CLMN: variants seen among roughly 807,000 people sequenced by gnomAD.
The protein encoded by CLMN is calmin, also known as calmin (calponin-like, transmembrane).
Under a neutral mutation model 92.7 loss-of-function variants are expected in CLMN, and 57 were observed. The ratio of observed to expected loss-of-function variants is 0.61; its 90% CI spans 0.50 to 0.77. The LOEUF (loss-of-function observed/expected upper bound fraction) is 0.77, where lower values mean the gene tolerates loss of function less well. Ranked by LOEUF, CLMN falls within the 30% of genes least tolerant of loss-of-function variation. The pLI, the probability that CLMN is intolerant of heterozygous loss-of-function variation, is 0.00. For synonymous variants in CLMN, 466 were observed against 470.6 expected (o/e 0.99, Z 0.13); for missense variants, 1,158 against 1,237.5 (o/e 0.94, Z 0.96).
Position 95,254,530 on chromosome 14 carries a change from C to T in CLMN, c.83-24397G>A, listed in dbSNP as rs116237402. 5.8e-3 allele frequency among the ~76,000 whole-genome samples: 888 copies of T among 152,244 alleles called. 6 individuals are homozygous for T. Among genetic ancestry groups the T allele is most frequent in the African/African-American group, 0.02 (845 of 41,532 alleles). Reference sequence around the variant, plus strand: ...GAAGCCTCGTGCACACACACTTGGACGTCCACCAGCCCCCTTGGCTCCCTG... The same window carrying T: ...GAAGCCTCGTGCACACACACTTGGATGTCCACCAGCCCCCTTGGCTCCCTG... On this transcript the variant is annotated intron_variant, in intron 1 of 12. Coordinates refer to ENST00000298912, the MANE Select transcript of CLMN (RefSeq NM_024734.4).
chr14:95,227,351 T>G (rs1897743734), intron 2 of CLMN, among the ~76,000 whole-genome samples: 1 of 152,192 alleles, frequency 6.6e-6, no homozygotes, highest in East Asian at 1.9e-4. Flanking sequence ...ACAGCGACTT[T>G]GAACCAAAAG....
intron 2 of CLMN, 151 bp from the exon 3 acceptor site, chr14:95,224,006 C>T (rs1039659761): frequency 1.6e-6 from 1 of 607,772 alleles, no homozygotes; most frequent in African/African-American, 1.9e-5. Flanking sequence ...GTAGCAGGCC[C>T]ATCCCCCTGG....
chr14:95,262,396 G>A (rs1348094049), intron 1 of CLMN, among the ~76,000 whole-genome samples: 2 of 152,150 alleles, frequency 1.3e-5, no homozygotes, highest in African/African-American at 4.8e-5. Context: ...AACAAGCAAA[G>A]AGTCAACCAA....
intron 1 of CLMN, among the ~76,000 whole-genome samples, chr14:95,267,462 G>A (rs773850246): frequency 6.6e-6 from 1 of 152,128 alleles, no homozygotes; most frequent in African/African-American, 2.4e-5. Context: ...TCAGGGAAAC[G>A]CAAATTGAAA....
intron 1 of CLMN, among the ~76,000 whole-genome samples, chr14:95,264,067 T>A (rs571710615): frequency 1.3e-5 from 2 of 151,882 alleles, no homozygotes; most frequent in East Asian, 3.9e-4. Context: ...AGACAGGGTC[T>A]CACTCTGTCA....
chr14:95,260,082 T>C (rs758319392), intron 1 of CLMN, among the ~76,000 whole-genome samples: 1 of 152,234 alleles, frequency 6.6e-6, no homozygotes, highest in Non-Finnish European at 1.5e-5. Context: ...ATCTGGCACA[T>C]GGCAGGTGTT....
Position 95,203,410 on chromosome 14 carries a change from C to G in CLMN, c.1939G>C (p.Glu647Gln), listed in dbSNP as rs754626459. 6.2e-7 allele frequency: 1 copy of G among 1,614,046 alleles called. No homozygotes were observed. Among genetic ancestry groups the G allele is most frequent in the African/African-American group, 1.3e-5 (1 of 74,896 alleles). The change falls in exon 9 of 13, where the codon GAA (glutamate) becomes CAA (glutamine). Residue 647 changes from glutamate (E) to glutamine (Q), a missense_variant. Physicochemically the swap from Glu to Gln is conservative, Grantham distance 29. Transcript: ENST00000298912. The stretch of plus-strand genomic sequence containing the variant: ...GGCTTTTTATCCACTGGTGTCTCTT[C>G]TGGGGCTGAAGGACAGCCTTCAGCT... ...EEAEGCPSAP[E>Q]ETPVDKKPEV...
At chr14:95,216,750 T>G (rs1336318821) in intron 4 of CLMN, among the ~76,000 whole-genome samples, 1 of 152,206 alleles carries the variant, frequency 6.6e-6, no homozygotes, top group African/African-American at 2.4e-5. Flanking sequence ...ATCTATGTAT[T>G]TAACTATGTT....
At chr14:95,242,410 C>T (rs1898285236) in intron 1 of CLMN, among the ~76,000 whole-genome samples, 1 of 151,354 alleles carries the variant, frequency 6.6e-6, no homozygotes, top group Non-Finnish European at 1.5e-5. Context: ...AGGCATGCAC[C>T]GCCATGCCTG....
At chr14:95,196,940 G>C (rs1242973293) in intron 9 of CLMN, among the ~76,000 whole-genome samples, 1 of 152,210 alleles carries the variant, frequency 6.6e-6, no homozygotes, top group Non-Finnish European at 1.5e-5. Flanking sequence ...ATAGGTTCTA[G>C]AGTTGGCAAG....
intron 1 of CLMN, among the ~76,000 whole-genome samples, chr14:95,298,354 C>T (rs1292603504): frequency 2.6e-5 from 4 of 152,164 alleles, no homozygotes; most frequent in Non-Finnish European, 4.4e-5. Flanking sequence ...CCTGCCGCTG[C>T]ATCAGAAGGG....
At chr14:95,199,817 A>G (rs772572501) in intron 9 of CLMN, among the ~76,000 whole-genome samples, 1 of 151,634 alleles carries the variant, frequency 6.6e-6, no homozygotes, top group Non-Finnish European at 1.5e-5. Flanking sequence ...GGACCAGCCC[A>G]GTCACACCTG....
chr14:95,212,783 A>G (rs1199130493), intron 6 of CLMN, among the ~76,000 whole-genome samples: 1 of 138,532 alleles, frequency 7.2e-6, no homozygotes, highest in Non-Finnish European at 1.5e-5. Context: ...CTGTTCTGAC[A>G]TTCTTTTTTT....
At chr14:95,268,888 C>T (rs1413809809) in intron 1 of CLMN, among the ~76,000 whole-genome samples, 1 of 150,314 alleles carries the variant, frequency 6.7e-6, no homozygotes, top group East Asian at 2.0e-4. Context: ...ACTGCAACCT[C>T]CACCTCCCAG....
chr14:95,260,353 A>C (rs1391189449), intron 1 of CLMN, among the ~76,000 whole-genome samples: 1 of 152,016 alleles, frequency 6.6e-6, no homozygotes, highest in Non-Finnish European at 1.5e-5. Flanking sequence ...GAGGCAGGAG[A>C]ATGGTGTGAA....
Position 95,221,684 on chromosome 14 carries a change from C to A in CLMN, c.324+7G>T. 1 of 1,612,246 alleles carries A rather than the reference C, an allele frequency of 6.2e-7. No homozygotes were observed. The highest frequency in any genetic ancestry group is 8.5e-7 in the Non-Finnish European group (1 of 1,178,600). ...TTGTGTTAGCAGGATGAGCTTCAAA[C>A]ACTTACATTGCTATCTTCCAAAAAC... On this transcript the variant is annotated splice_region_variant and intron_variant, in intron 4 of 12. Transcript: ENST00000298912.
chr14:95,254,546 T>G (rs1315764295), intron 1 of CLMN, among the ~76,000 whole-genome samples: 1 of 152,130 alleles, frequency 6.6e-6, no homozygotes, highest in East Asian at 1.9e-4. Context: ...CCAGCCCCCT[T>G]GGCTCCCTGC....
chr14:95,262,680 C>T (rs1417697021), intron 1 of CLMN, among the ~76,000 whole-genome samples: 1 of 152,208 alleles, frequency 6.6e-6, no homozygotes, highest in Non-Finnish European at 1.5e-5. Flanking sequence ...GATCCTTCCA[C>T]CTCAGCCTTC....
chr14:95,265,569 T>C (rs1899440183), intron 1 of CLMN, among the ~76,000 whole-genome samples: 1 of 152,250 alleles, frequency 6.6e-6, no homozygotes. Context: ...GTATGACTCC[T>C]GGCACAGTGC....
Sources: gnomAD v4.1 joint callset for allele counts (sites outside exome capture counted in the v4.1 genomes callset) on GRCh38, gnomAD v4.1.1 for gene constraint, MANE v1.5 for transcripts, NCBI Gene and HGNC (gene_info 2026-07-23, HGNC 2026-07-21) for gene names.